SMAD9: variants seen among roughly 807,000 people sequenced by gnomAD.
The protein encoded by SMAD9 is MAD homolog 9.
SMAD9 carries 36 observed loss-of-function variants against 46.1 expected under a neutral mutation model. The ratio of observed to expected loss-of-function variants is 0.78; its 90% CI spans 0.60 to 1.03. SMAD9 has a LOEUF of 1.03. Among genes scored for constraint, SMAD9 ranks in the 50% least tolerant of loss-of-function variants. The probability of loss-of-function intolerance (pLI) is 0.00; values close to 1 mark genes in which losing one functional copy is unlikely to be tolerated. For synonymous variants in SMAD9, 245 were observed against 237.1 expected (o/e 1.03, Z -0.31); for missense variants, 572 against 599.8 (o/e 0.95, Z 0.48).
At chr13:36,852,509 C>T (rs2058083031) in intron 6 of SMAD9, 1 of 984,840 alleles carries the variant, frequency 1.0e-6, no homozygotes, top group Admixed American at 6.1e-5. Flanking sequence ...CTCCAGCCTT[C>T]ATAGCAACCT....
intron 1 of SMAD9, among the ~76,000 whole-genome samples, chr13:36,896,535 T>C (rs998028035): frequency 6.6e-5 from 10 of 152,174 alleles, no homozygotes; most frequent in African/African-American, 2.4e-4. Context: ...GCCAGACTTC[T>C]ACAATGCATA....
At chr13:36,862,440 G>A (rs886673737) in intron 5 of SMAD9, among the ~76,000 whole-genome samples, 2 of 151,936 alleles carry the variant, frequency 1.3e-5, no homozygotes, top group Non-Finnish European at 2.9e-5. Flanking sequence ...CATGCTAAAA[G>A]ACACTCCCAC....
chr13:36,919,844 C>T (rs1593640547), intron 1 of SMAD9, among the ~76,000 whole-genome samples: 2 of 149,508 alleles, frequency 1.3e-5, no homozygotes, highest in East Asian at 4.1e-4. Context: ...CCCCACTCCA[C>T]CCCAGACAGG....
chr13:36,888,167 G>C (rs902329894), intron 1 of SMAD9, among the ~76,000 whole-genome samples: 4 of 152,118 alleles, frequency 2.6e-5, no homozygotes, highest in Non-Finnish European at 4.4e-5. Flanking sequence ...CTGTGCCCCC[G>C]CCCAAATCTC....
rs779973741 is a variant in SMAD9, at chr13:36,866,696, A to G, written c.781+577T>C. ...ACACTTCTTTAGAACCTCTCTACTC[A>G]AGATCTGGCTCATGGAACAGTAGCC... is the stretch of plus-strand genomic sequence containing the variant. On this transcript the variant is annotated intron_variant, in intron 4 of 6. Transcript: ENST00000379826. Among the ~76,000 whole-genome samples the G allele has an allele frequency of 7.2e-5, 11 of 152,202 alleles. No individual in the cohort carries two copies. In the South Asian group the frequency reaches 8.3e-4, roughly 11 times the overall value.
intron 1 of SMAD9, among the ~76,000 whole-genome samples, chr13:36,913,909 G>GTCA (rs2058679570): frequency 6.6e-6 from 1 of 152,094 alleles, no homozygotes; most frequent in Admixed American, 6.5e-5. Context: ...AATCACTTAT[G>GTCA]TCATTAATAA....
intron 2 of SMAD9, among the ~76,000 whole-genome samples, chr13:36,876,238 A>G (rs751132733): frequency 6.6e-6 from 1 of 152,178 alleles, no homozygotes; most frequent in Non-Finnish European, 1.5e-5. Flanking sequence ...AGAGCTGGAA[A>G]AAAAACACTT....
intron 5 of SMAD9, among the ~76,000 whole-genome samples, chr13:36,854,588 T>C (rs1263415015): frequency 6.6e-6 from 1 of 151,998 alleles, no homozygotes; most frequent in East Asian, 1.9e-4. Context: ...GCCAGGCTAG[T>C]CTCAAACTCC....
chr13:36,895,105 CCA>C (rs2058517758), intron 1 of SMAD9, among the ~76,000 whole-genome samples: 1 of 152,160 alleles, frequency 6.6e-6, no homozygotes, highest in Non-Finnish European at 1.5e-5. Context: ...TTAGATTCCT[CCA>C]CCACTCCATC....
At chr13:36,899,666 C>T (rs2058557717) in intron 1 of SMAD9, among the ~76,000 whole-genome samples, 2 of 152,134 alleles carry the variant, frequency 1.3e-5, no homozygotes, top group Non-Finnish European at 2.9e-5. Flanking sequence ...AAATGGAATT[C>T]AGTTGGTAGG....
chr13:36,895,208 A>G (rs980905186), intron 1 of SMAD9, among the ~76,000 whole-genome samples: 1 of 152,126 alleles, frequency 6.6e-6, no homozygotes, highest in Non-Finnish European at 1.5e-5. Flanking sequence ...ATATGTACCA[A>G]TGATTTCCTT....
At chr13:36,911,650 A>C (rs2058662819) in intron 1 of SMAD9, among the ~76,000 whole-genome samples, 1 of 146,968 alleles carries the variant, frequency 6.8e-6, no homozygotes, top group South Asian at 2.2e-4. Flanking sequence ...TCATAAACTG[A>C]TAAAGAATCA....
At chr13:36,900,356 C>T in intron 1 of SMAD9, among the ~76,000 whole-genome samples, 1 of 152,144 alleles carries the variant, frequency 6.6e-6, no homozygotes, top group East Asian at 1.9e-4. Context: ...TCTCTGCTCA[C>T]TGCAACCTCC....
intron 1 of SMAD9, among the ~76,000 whole-genome samples, chr13:36,904,397 G>T (rs558767184): frequency 6.6e-6 from 1 of 152,134 alleles, no homozygotes; most frequent in East Asian, 1.9e-4. Context: ...GGTGCGAATC[G>T]CTCTATCCAA....
intron 3 of SMAD9, 105 bp downstream of exon 3, chr13:36,872,553 T>C: frequency 1.5e-6 from 2 of 1,311,680 alleles, no homozygotes; most frequent in Non-Finnish European, 2.2e-6. Flanking sequence ...CTGTTTATAC[T>C]ATATGAATGA....
chr13:36,911,807 C>T (rs531036371), intron 1 of SMAD9, among the ~76,000 whole-genome samples: 418 of 152,326 alleles, frequency 2.7e-3, no homozygotes, highest in Non-Finnish European at 3.0e-3. Flanking sequence ...CTCCTGGGTT[C>T]AAGCGATTCT....
intron 3 of SMAD9, among the ~76,000 whole-genome samples, chr13:36,870,946 A>G (rs1057370278): frequency 6.6e-6 from 1 of 152,180 alleles, no homozygotes; most frequent in African/African-American, 2.4e-5. Context: ...GGGCAATGGA[A>G]TGATTCAGAA....
At chr13:36,882,237 GTGTGTGTGTGTGTGTGTGTGTGTA>G (rs1381252148) in intron 1 of SMAD9, among the ~76,000 whole-genome samples, 97 of 147,952 alleles carry the variant, frequency 6.6e-4, no homozygotes, top group African/African-American at 2.5e-3. Context: ...CTGTGTGTGT[GTGTGTGTGTGTGTGTGTGTGTGTA>G]TGTGTGTGCG....
At chr13:36,919,089 C>T (rs2058720499) in intron 1 of SMAD9, among the ~76,000 whole-genome samples, 1 of 152,222 alleles carries the variant, frequency 6.6e-6, no homozygotes, top group African/African-American at 2.4e-5. Flanking sequence ...AATTTACATA[C>T]AATTTTATCT....
Sources: allele counts gnomAD v4.1 joint callset (sites outside exome capture counted in the v4.1 genomes callset), GRCh38; gene constraint gnomAD v4.1.1; transcripts MANE v1.5; gene names NCBI Gene and HGNC (gene_info 2026-07-23, HGNC 2026-07-21).